RFX7: variants seen among roughly 807,000 people sequenced by gnomAD.
The protein encoded by RFX7 is regulatory factor X7.
Under a neutral mutation model 111.8 loss-of-function variants are expected in RFX7, and 26 were observed. That is an observed-to-expected ratio of 0.23 (90% CI 0.17 to 0.32). The LOEUF is 0.32. Among genes scored for constraint, RFX7 ranks in the 10% least tolerant of loss-of-function variants. The probability of loss-of-function intolerance (pLI) is 1.00; values close to 1 mark genes in which losing one functional copy is unlikely to be tolerated. For synonymous variants in RFX7, 624 were observed against 624.4 expected (o/e 1.00, Z 0.01); for missense variants, 1,573 against 1,772.9 (o/e 0.89, Z 2.02).
chr15:56,175,519 G>A (rs1450108318), intron 3 of RFX7, among the ~76,000 whole-genome samples: 1 of 152,120 alleles, frequency 6.6e-6, no homozygotes, highest in Non-Finnish European at 1.5e-5. Flanking sequence ...AAACAAGACA[G>A]TGTAGTGATG....
intron 3 of RFX7, among the ~76,000 whole-genome samples, chr15:56,167,170 T>C (rs1235231633): frequency 6.6e-6 from 1 of 152,028 alleles, no homozygotes; most frequent in Admixed American, 6.6e-5. Context: ...TTGCCGGGTT[T>C]GGTGGTGTGC....
chr15:56,134,828 T>C (rs1015447207), intron 5 of RFX7, among the ~76,000 whole-genome samples: 10 of 152,138 alleles, frequency 6.6e-5, no homozygotes, highest in Non-Finnish European at 1.2e-4. Context: ...TGTGATCTCA[T>C]TGTTCAATCC....
intron 3 of RFX7, among the ~76,000 whole-genome samples, chr15:56,175,405 T>A (rs997827356): frequency 5.3e-5 from 8 of 152,126 alleles, no homozygotes; most frequent in Non-Finnish European, 7.4e-5. Flanking sequence ...GAACTTTTTT[T>A]AAAAATAAAA....
Position 56,135,122 on chromosome 15 carries a change from A to G in RFX7, c.401+7656T>C, listed in dbSNP as rs1330669165. 5.3e-5 allele frequency among the ~76,000 whole-genome samples: 8 copies of G among 152,322 alleles called. No homozygotes were observed. In the East Asian group the frequency reaches 1.5e-3, roughly 29 times the overall value. On this transcript the variant is annotated intron_variant, in intron 5 of 9. Transcript: ENST00000559447. ...CAGCAAGATTTATAGTCCTTTGGGT[A>G]TATACCCAGTAATGGGATGGCTGGG...
intron 2 of RFX7, among the ~76,000 whole-genome samples, chr15:56,179,813 C>CACACACACACACACACACACA (rs2042948588): frequency 7.2e-6 from 1 of 138,308 alleles, no homozygotes; most frequent in Non-Finnish European, 1.6e-5. Flanking sequence ...CACACACACA[C>CACACACACACACACACACACA]CAGTAACAGG....
chr15:56,186,249 T>C (rs2043036721), intron 2 of RFX7, among the ~76,000 whole-genome samples: 1 of 152,192 alleles, frequency 6.6e-6, no homozygotes. Flanking sequence ...TATGCTTTAG[T>C]TCATCAGTTC....
chr15:56,180,963 T>C (rs1328244328), intron 2 of RFX7, among the ~76,000 whole-genome samples: 1 of 152,098 alleles, frequency 6.6e-6, no homozygotes, highest in African/African-American at 2.4e-5. Flanking sequence ...TTGTCTAAGG[T>C]GTTACAATAA....
intron 9 of RFX7, among the ~76,000 whole-genome samples, chr15:56,097,674 G>A (rs1049291508): frequency 7.0e-6 from 1 of 142,494 alleles, no homozygotes; most frequent in Non-Finnish European, 1.5e-5. Context: ...TTGAACTCAG[G>A]AGGTGGAGGT....
At position 56,087,820 on chromosome 15, in the gene RFX7, G is replaced by T; in HGVS notation, c.*5525C>A. ...CTTGTACAGAGACTGACATATTTTAGGCACTTTATCATCTGTTAAAAAAAA... is the reference window on the plus strand; with the variant it reads ...CTTGTACAGAGACTGACATATTTTATGCACTTTATCATCTGTTAAAAAAAA... On this transcript the variant is annotated 3_prime_UTR_variant, in exon 10 of 10. Coordinates refer to ENST00000559447, the MANE Select transcript of RFX7 (RefSeq NM_022841.7). 1 of 297,618 alleles carries T rather than the reference G, an allele frequency of 3.4e-6. No homozygotes were observed. The highest frequency in any genetic ancestry group is 6.6e-6 in the Non-Finnish European group (1 of 150,472). The allele number at this position is 297,618 out of a possible 1,614,324, so 18.4% of individuals were successfully genotyped here.
In RFX7 at chr15:56,137,379, C is replaced by G. The variant is rs371695228; in HGVS notation, c.401+5399G>C. ...GTGTCAAGGAATTTATCCATTTCTT[C>G]TAGATTTTCTAGTTTATTTGCGTAG... is the stretch of plus-strand genomic sequence containing the variant. On this transcript the variant is annotated intron_variant, in intron 5 of 9. Coordinates refer to ENST00000559447, the MANE Select transcript of RFX7 (RefSeq NM_022841.7). Among the ~76,000 whole-genome samples, 76 of 152,262 alleles carry G rather than the reference C, an allele frequency of 5.0e-4. 2 individuals carry two copies. The highest frequency in any genetic ancestry group is 1.8e-3 in the African/African-American group (73 of 41,552).
intron 3 of RFX7, among the ~76,000 whole-genome samples, chr15:56,172,638 T>C (rs2042857757): frequency 1.3e-5 from 2 of 152,290 alleles, no homozygotes; most frequent in South Asian, 4.1e-4. Context: ...AGAAATGTAT[T>C]AATTTGGTGG....
chr15:56,143,195 AC>A (rs2042424882), intron 4 of RFX7, among the ~76,000 whole-genome samples: 1 of 152,132 alleles, frequency 6.6e-6, no homozygotes, highest in Non-Finnish European at 1.5e-5. Context: ...TCATGTACTT[AC>A]CTGTTCATTT....
At chr15:56,207,511 A>AG (rs1465996318) in intron 2 of RFX7, among the ~76,000 whole-genome samples, 2 of 152,222 alleles carry the variant, frequency 1.3e-5, no homozygotes, top group Non-Finnish European at 2.9e-5. Context: ...TTACAGAAAA[A>AG]TTAACTCAAA....
intron 7 of RFX7, among the ~76,000 whole-genome samples, chr15:56,101,945 G>A (rs2041758808): frequency 1.3e-5 from 2 of 151,882 alleles, no homozygotes; most frequent in South Asian, 4.2e-4. Flanking sequence ...TATGTATTTT[G>A]GAAATATCGA....
At position 56,145,346 on chromosome 15, in the gene RFX7, CTTAA is replaced by C. The variant is rs573128171; in HGVS notation, c.196-867_196-864del. ...GCATTCCTGGTAGAATTTATTCTTA[CTTAA>C]TAAAGCACAGTTTAAACAGAGATTC... is the stretch of plus-strand genomic sequence containing the variant. On this transcript the variant is annotated intron_variant, in intron 3 of 9. Transcript: ENST00000559447. 3.0e-3 allele frequency among the ~76,000 whole-genome samples: 459 copies of C among 152,222 alleles called. 7 individuals carry two copies. The highest frequency in any genetic ancestry group is 1.1e-3 in the Non-Finnish European group (76 of 67,986).
rs913830906 is a variant in RFX7 at position 56,149,374 on chromosome 15, G to A, written c.196-4891C>T. 2.0e-5 allele frequency among the ~76,000 whole-genome samples: 3 copies of A among 152,162 alleles called. No individual in the cohort carries two copies. The South Asian group carries it at 6.2e-4, about 31-fold the overall frequency. ...AGACTCTTTCCTCTAGCACCTTTGA[G>A]GAAACTGAAGGATCCTTTTTACATA... On this transcript the variant is annotated intron_variant, in intron 3 of 9. Transcript: ENST00000559447.
intron 2 of RFX7, among the ~76,000 whole-genome samples, chr15:56,213,810 T>C (rs550571525): frequency 6.6e-6 from 1 of 152,342 alleles, no homozygotes; most frequent in African/African-American, 2.4e-5. Context: ...CTTCCTGATA[T>C]GTGCATTTGT....
At chr15:56,097,523 C>T (rs144764745) in intron 9 of RFX7, among the ~76,000 whole-genome samples, 2,427 of 152,042 alleles carry the variant, frequency 0.016, 64 homozygotes, top group African/African-American at 0.056. Flanking sequence ...GAGGCCAAGG[C>T]GGGTGGATCA....
chr15:56,190,668 T>G (rs1180936631), intron 2 of RFX7, among the ~76,000 whole-genome samples: 1 of 152,142 alleles, frequency 6.6e-6, no homozygotes, highest in African/African-American at 2.4e-5. Context: ...AAATGCAAAT[T>G]TATGGGTCCC....
Sources: allele counts gnomAD v4.1 joint callset (sites outside exome capture counted in the v4.1 genomes callset), GRCh38; gene constraint gnomAD v4.1.1; transcripts MANE v1.5; gene names NCBI Gene and HGNC (gene_info 2026-07-23, HGNC 2026-07-21).